The following SPECC1 variants were observed in gnomAD, a reference collection of about 807,000 sequenced individuals.
SPECC1 encodes cytospin-B.
A neutral mutation model predicts 104.1 loss-of-function variants in SPECC1; 62 were observed. The observed-to-expected ratio is 0.60, with a 90% CI of 0.49 to 0.74. The LOEUF is 0.74. Among genes scored for constraint, SPECC1 ranks in the 30% least tolerant of loss-of-function variants. The probability of loss-of-function intolerance (pLI) is 0.00; values close to 1 mark genes in which losing one functional copy is unlikely to be tolerated. For synonymous variants in SPECC1, 513 were observed against 501.6 expected (o/e 1.02, Z -0.30); for missense variants, 1,306 against 1,310.5 (o/e 1.00, Z 0.05).
intron 14 of SPECC1, among the ~76,000 whole-genome samples, chr17:20,308,357 C>A (rs1171232550): frequency 1.4e-5 from 2 of 145,058 alleles, no homozygotes; most frequent in Non-Finnish European, 3.0e-5. Context: ...CCATTGCACT[C>A]CAGCCTGGGT....
At chr17:20,133,736 A>G (rs959818539) in intron 3 of SPECC1, among the ~76,000 whole-genome samples, 1 of 152,214 alleles carries the variant, frequency 6.6e-6, no homozygotes, top group African/African-American at 2.4e-5. Context: ...CCTCTGGCAA[A>G]GTGTAAGAAT....
At chr17:20,302,497 GATA>G (rs1258902522) in intron 13 of SPECC1, among the ~76,000 whole-genome samples, 2 of 152,036 alleles carry the variant, frequency 1.3e-5, no homozygotes, top group Non-Finnish European at 2.9e-5. Flanking sequence ...AGAGCATTGG[GATA>G]ATAACACTTG....
chr17:20,049,890 T>C (rs940493360), intron 1 of SPECC1, among the ~76,000 whole-genome samples: 2 of 152,148 alleles, frequency 1.3e-5, no homozygotes, highest in African/African-American at 4.8e-5. Context: ...ATATCTCAGC[T>C]CACCGCAACC....
At chr17:20,028,788 A>T (rs2044699416) in intron 1 of SPECC1, among the ~76,000 whole-genome samples, 2 of 140,956 alleles carry the variant, frequency 1.4e-5, no homozygotes, top group East Asian at 2.0e-4. Context: ...TTGAGATGGA[A>T]TTTTGCTCTT....
chr17:20,076,564 C>T (rs2046767084), intron 1 of SPECC1, among the ~76,000 whole-genome samples: 2 of 152,210 alleles, frequency 1.3e-5, no homozygotes, highest in African/African-American at 2.4e-5. Flanking sequence ...AGTTATTTAA[C>T]TATTCCCTGT....
intron 1 of SPECC1, among the ~76,000 whole-genome samples, chr17:20,039,654 A>G (rs2045242703): frequency 6.6e-6 from 1 of 152,118 alleles, no homozygotes. Context: ...GCCCGGGTTC[A>G]AGCAGTTCTT....
chr17:20,305,801 T>G, intron 13 of SPECC1: 1 of 440,018 alleles, frequency 2.3e-6, no homozygotes, highest in South Asian at 5.1e-5. Flanking sequence ...AAACAAAAAT[T>G]TATCTTTGAT....
chr17:20,165,203 C>T (rs752692857), intron 3 of SPECC1, among the ~76,000 whole-genome samples: 71 of 140,384 alleles, frequency 5.1e-4, no homozygotes, highest in Admixed American at 2.1e-4. Context: ...CCTCCTACTA[C>T]CCCCGCCCTG....
chr17:20,131,562 A>G (rs946321733), intron 3 of SPECC1, among the ~76,000 whole-genome samples: 1 of 150,834 alleles, frequency 6.6e-6, no homozygotes, highest in African/African-American at 2.4e-5. Context: ...AAAGTTTAAC[A>G]CTATATTGAA....
chr17:20,236,655 C>CTT (rs34779112), intron 7 of SPECC1, among the ~76,000 whole-genome samples: 4,334 of 125,982 alleles, frequency 0.034, 208 homozygotes, highest in African/African-American at 0.093. Flanking sequence ...TGCAGTCTGG[C>CTT]TTTTTTTTTT....
At chr17:20,260,330 T>C in intron 12 of SPECC1, 36 bp downstream of exon 12, 1 of 1,585,970 alleles carries the variant, frequency 6.3e-7, no homozygotes, top group Non-Finnish European at 8.7e-7. Flanking sequence ...CAGCTGCCCC[T>C]GGGCAGTAGT....
chr17:20,039,537 G>A (rs28807825), intron 1 of SPECC1, among the ~76,000 whole-genome samples: 74,850 of 151,946 alleles, frequency 0.49, 18,855 homozygotes, highest in Middle Eastern at 0.56. Flanking sequence ...ACCAACATAT[G>A]TTGGTATATT....
At chr17:20,081,766 C>G (rs1428473864) in intron 1 of SPECC1, among the ~76,000 whole-genome samples, 1 of 152,104 alleles carries the variant, frequency 6.6e-6, no homozygotes, top group African/African-American at 2.4e-5. Flanking sequence ...CTGATCCGTG[C>G]TGTAACTTTT....
chr17:20,102,137 A>C (rs2047973597), intron 2 of SPECC1, among the ~76,000 whole-genome samples: 1 of 152,230 alleles, frequency 6.6e-6, no homozygotes, highest in Non-Finnish European at 1.5e-5. Flanking sequence ...CCAGGAAACA[A>C]AGCAAAAAAT....
At chr17:20,266,000 A>C in intron 12 of SPECC1, among the ~76,000 whole-genome samples, 1 of 152,216 alleles carries the variant, frequency 6.6e-6, no homozygotes, top group East Asian at 1.9e-4. Flanking sequence ...ACATGAACTC[A>C]GGCAATGCGA....
At chr17:20,234,661 G>A (rs984345117) in intron 7 of SPECC1, among the ~76,000 whole-genome samples, 5 of 152,144 alleles carry the variant, frequency 3.3e-5, no homozygotes, top group South Asian at 2.1e-4. Flanking sequence ...ATTCTCTGAC[G>A]AGGTCCTCAA....
At chr17:20,126,931 C>T (rs1269994286) in intron 3 of SPECC1, among the ~76,000 whole-genome samples, 1 of 152,164 alleles carries the variant, frequency 6.6e-6, no homozygotes, top group East Asian at 1.9e-4. Flanking sequence ...TCTCTTTTTA[C>T]CCTGGAGTCT....
intron 3 of SPECC1, among the ~76,000 whole-genome samples, chr17:20,185,647 G>A (rs1465018289): frequency 6.6e-6 from 1 of 152,196 alleles, no homozygotes; most frequent in Non-Finnish European, 1.5e-5. Flanking sequence ...AAACAGTGGT[G>A]GCAGGAATGT....
In SPECC1 at chr17:20,182,966, A is replaced by G. The variant is rs563006690; in HGVS notation, c.284-21367A>G. On this transcript the variant is annotated intron_variant, in intron 3 of 14. Transcript: ENST00000395527. Reference sequence around the variant, plus strand: ...AAGAAAAGAGAACAAATAATGGGGTACAACTAGCCTCTACTTGGACATAGG... The same window carrying G: ...AAGAAAAGAGAACAAATAATGGGGTGCAACTAGCCTCTACTTGGACATAGG... Among the ~76,000 whole-genome samples the G allele has an allele frequency of 1.3e-3, 194 of 152,346 alleles. 2 individuals carry two copies. The South Asian group carries it at 0.04, about 31-fold the overall frequency.
Sources: gnomAD v4.1 joint callset for allele counts (sites outside exome capture counted in the v4.1 genomes callset) on GRCh38, gnomAD v4.1.1 for gene constraint, MANE v1.5 for transcripts, NCBI Gene and HGNC (gene_info 2026-07-23, HGNC 2026-07-21) for gene names.